CARMIL1: variants seen among roughly 807,000 people sequenced by gnomAD.
CARMIL1 encodes capping protein regulator and myosin 1 linker 1, also known as F-actin-uncapping protein LRRC16A.
CARMIL1 carries 90 observed loss-of-function variants against 177.1 expected under a neutral mutation model. That is an observed-to-expected ratio of 0.51 (90% CI 0.43 to 0.61). The LOEUF (loss-of-function observed/expected upper bound fraction) is 0.61. Ranked by LOEUF, CARMIL1 falls within the 20% of genes least tolerant of loss-of-function variation. CARMIL1 has a pLI of 0.00. For synonymous variants in CARMIL1, 577 were observed against 606.2 expected, an observed-to-expected ratio of 0.95 and a Z score of 0.71; for missense variants, 1,380 against 1,667.0, an observed-to-expected ratio of 0.83 and a Z score of 3.00.
intron 26 of CARMIL1, among the ~76,000 whole-genome samples, chr6:25,550,290 T>C (rs888790797): frequency 1.3e-5 from 2 of 152,236 alleles, no homozygotes; most frequent in African/African-American, 2.4e-5. Flanking sequence ...CTATTAATGC[T>C]GTCTATAAGG....
chr6:25,376,737 G>A (rs1481547450), intron 2 of CARMIL1, among the ~76,000 whole-genome samples: 1 of 152,076 alleles, frequency 6.6e-6, no homozygotes, highest in Non-Finnish European at 1.5e-5. Flanking sequence ...TTACTGAGTT[G>A]AACAGCTTAG....
intron 2 of CARMIL1, among the ~76,000 whole-genome samples, chr6:25,287,229 C>G (rs1008447017): frequency 1.3e-5 from 2 of 152,190 alleles, no homozygotes; most frequent in African/African-American, 2.4e-5. Context: ...CTACAGTACG[C>G]TTTTTGAGTT....
intron 2 of CARMIL1, among the ~76,000 whole-genome samples, chr6:25,346,827 G>T (rs930326694): frequency 1.3e-5 from 2 of 152,160 alleles, no homozygotes; most frequent in Non-Finnish European, 2.9e-5. Context: ...CCCTCTTAAA[G>T]TATATTTATT....
chr6:25,549,708 G>A (rs1285732788), intron 26 of CARMIL1, among the ~76,000 whole-genome samples: 3 of 152,300 alleles, frequency 2.0e-5, no homozygotes, highest in African/African-American at 7.2e-5. Context: ...TAATATGTGA[G>A]CAGATAGACC....
At chr6:25,415,013 A>G (rs1228444807) in intron 2 of CARMIL1, among the ~76,000 whole-genome samples, 1 of 152,226 alleles carries the variant, frequency 6.6e-6, no homozygotes, top group Non-Finnish European at 1.5e-5. Context: ...ACAGAGGGCC[A>G]CAGATTGTGA....
intron 36 of CARMIL1, among the ~76,000 whole-genome samples, chr6:25,618,632 A>AAATACCT (rs1320252629): frequency 6.6e-6 from 1 of 152,228 alleles, no homozygotes; most frequent in African/African-American, 2.4e-5. Context: ...AACCTGCCTT[A>AAATACCT]CAGAAGGTAA....
At chr6:25,546,676 A>AC (rs1180214165) in intron 26 of CARMIL1, among the ~76,000 whole-genome samples, 233 of 148,560 alleles carry the variant, frequency 1.6e-3, no homozygotes, top group Non-Finnish European at 2.4e-3. Flanking sequence ...CAACAAAAAA[A>AC]AAAAAAAAAA....
intron 8 of CARMIL1, among the ~76,000 whole-genome samples, chr6:25,459,618 A>G (rs137990043): frequency 1.4e-3 from 207 of 152,122 alleles, no homozygotes; most frequent in African/African-American, 4.4e-3. Flanking sequence ...AAAAAACTCT[A>G]TGTGTAGTAA....
intron 2 of CARMIL1, among the ~76,000 whole-genome samples, chr6:25,379,279 G>A (rs889664814): frequency 6.6e-6 from 1 of 152,262 alleles, no homozygotes; most frequent in East Asian, 1.9e-4. Context: ...AAAGAAAGGG[G>A]GATGTCAGCC....
chr6:25,583,859 C>T (rs940311798), intron 31 of CARMIL1, among the ~76,000 whole-genome samples: 29 of 148,416 alleles, frequency 2.0e-4, no homozygotes, highest in African/African-American at 6.9e-4. Flanking sequence ...ACCCACACTT[C>T]AGGTTCTAGG....
At chr6:25,303,185 C>T (rs1250610900) in intron 2 of CARMIL1, among the ~76,000 whole-genome samples, 4 of 149,028 alleles carry the variant, frequency 2.7e-5, no homozygotes, top group Non-Finnish European at 4.4e-5. Flanking sequence ...GATTCGTTTT[C>T]TTAGGCTTTC....
chr6:25,296,405 A>G (rs957799186), intron 2 of CARMIL1, among the ~76,000 whole-genome samples: 1 of 152,182 alleles, frequency 6.6e-6, no homozygotes, highest in African/African-American at 2.4e-5. Context: ...ATTGTGTACT[A>G]TGTTGCTTGT....
rs1269862464 is a variant in CARMIL1, at chr6:25,509,125, GT to G, written c.1396-529del. 7.1e-4 allele frequency among the ~76,000 whole-genome samples: 102 copies of G among 143,498 alleles called. 1 individual carries two copies. The highest frequency in any genetic ancestry group is 8.3e-4 in the Non-Finnish European group (53 of 63,756). 94.1% of individuals were successfully genotyped at this position (143,498 alleles called of 152,430 possible). On this transcript the variant is annotated intron_variant, in intron 17 of 36. Coordinates refer to ENST00000329474, the MANE Select transcript of CARMIL1 (RefSeq NM_017640.6). This position sits in a 1 kb window ranked among gnomAD's most constrained non-coding sequence, Gnocchi z 4.1. ...ACAAATCATTTTGCAGTCATCTTTA[GT>G]TAGCTAATATCTGCCTTATGAGTGA...
At chr6:25,283,235 A>T (rs1781274901) in intron 1 of CARMIL1, among the ~76,000 whole-genome samples, 1 of 152,210 alleles carries the variant, frequency 6.6e-6, no homozygotes, top group Non-Finnish European at 1.5e-5. Flanking sequence ...TTTTGGGTTT[A>T]TTCAAAAATG....
chr6:25,519,609 G>T (rs1304597609), intron 22 of CARMIL1, among the ~76,000 whole-genome samples: 1 of 152,178 alleles, frequency 6.6e-6, no homozygotes, highest in African/African-American at 2.4e-5. Context: ...ATTAGCTCTT[G>T]AACTCAAGCT....
In CARMIL1 at chr6:25,287,131, ATTTCTGAG is replaced by A. The variant is rs554931382; in HGVS notation, c.138+2234_138+2241del. 7.2e-5 allele frequency among the ~76,000 whole-genome samples: 11 copies of A among 152,312 alleles called. No individual in the cohort carries two copies. The East Asian group carries it at 2.1e-3, about 29-fold the overall frequency. On this transcript the variant is annotated intron_variant, in intron 2 of 36. Transcript: ENST00000329474. ...GTATGAAGTAACCTCAAAGTTGTGG[ATTTCTGAG>A]TTTCTGAGTTTAGAGAAATTTAATT... is the stretch of plus-strand genomic sequence containing the variant.
intron 12 of CARMIL1, among the ~76,000 whole-genome samples, chr6:25,486,857 T>A (rs1013786975): frequency 2.0e-5 from 3 of 152,154 alleles, no homozygotes; most frequent in African/African-American, 7.2e-5. Flanking sequence ...CCATAAAGGT[T>A]TATTGAAATG....
chr6:25,510,848 C>T (rs999244407), intron 20 of CARMIL1, 86 bp downstream of exon 20: 12 of 764,306 alleles, frequency 1.6e-5, no homozygotes, highest in Non-Finnish European at 2.5e-5. Context: ...TGCTGAAATA[C>T]TTTCAGATAG....
chr6:25,524,370 T>C (rs1449274031), intron 23 of CARMIL1, among the ~76,000 whole-genome samples: 1 of 152,160 alleles, frequency 6.6e-6, no homozygotes, highest in African/African-American at 2.4e-5. Context: ...AAGACACAGA[T>C]TGTAATTAAG....
Sources: gnomAD v4.1 joint callset for allele counts (sites outside exome capture counted in the v4.1 genomes callset) on GRCh38, gnomAD v4.1.1 for gene constraint, Gnocchi (gnomAD v3.1) non-coding constraint, MANE v1.5 for transcripts, NCBI Gene and HGNC (gene_info 2026-07-23, HGNC 2026-07-21) for gene names.